NUBPL: variants seen among roughly 807,000 people sequenced by gnomAD.
NUBPL encodes the protein iron-sulfur cluster transfer protein NUBPL.
Under a neutral mutation model 45.7 loss-of-function variants are expected in NUBPL, and 31 were observed. The observed-to-expected ratio is 0.68, with a 90% CI of 0.51 to 0.92. The LOEUF is 0.92. Among genes scored for constraint, NUBPL ranks in the 40% least tolerant of loss-of-function variants. The pLI is 0.00. For synonymous variants in NUBPL, 144 were observed against 140.9 expected (o/e 1.02, Z -0.15); for missense variants, 401 against 398.7 (o/e 1.01, Z -0.05).
chr14:31,799,604 C>G (rs1335586431), intron 7 of NUBPL, among the ~76,000 whole-genome samples: 1 of 152,216 alleles, frequency 6.6e-6, no homozygotes, highest in African/African-American at 2.4e-5. Context: ...ACAAAACTTA[C>G]ATTTACACTA....
At position 31,783,837 on chromosome 14, in the gene NUBPL, G is replaced by T. The variant is rs776880945; in HGVS notation, c.514-3943G>T. ...CTGGCCAATAGCAGTTTTCTTTAAAGAAATAAGAAATTGAAAGTAACATGA... is the reference window on the plus strand; with the variant it reads ...CTGGCCAATAGCAGTTTTCTTTAAATAAATAAGAAATTGAAAGTAACATGA... On this transcript the variant is annotated intron_variant, in intron 6 of 10. Transcript: ENST00000281081. Among the ~76,000 whole-genome samples, 33 of 152,218 alleles carry T rather than the reference G, an allele frequency of 2.2e-4. 1 individual carries two copies. Among genetic ancestry groups the T allele is most frequent in the South Asian group, 4.1e-4 (2 of 4,824 alleles).
At chr14:31,579,459 G>T (rs1165484548) in intron 3 of NUBPL, among the ~76,000 whole-genome samples, 1 of 152,118 alleles carries the variant, frequency 6.6e-6, no homozygotes, top group African/African-American at 2.4e-5. Context: ...TTCTGATGTT[G>T]TCTGTTAGCC....
intron 4 of NUBPL, among the ~76,000 whole-genome samples, chr14:31,639,306 G>C (rs1053441804): frequency 1.3e-5 from 2 of 152,130 alleles, no homozygotes; most frequent in African/African-American, 2.4e-5. Flanking sequence ...TAACAGACAG[G>C]ACCCTCAGCT....
chr14:31,719,286 T>A (rs1181771492), intron 6 of NUBPL, among the ~76,000 whole-genome samples: 1 of 152,190 alleles, frequency 6.6e-6, no homozygotes, highest in African/African-American at 2.4e-5. Flanking sequence ...CTACTGAATA[T>A]GTATTGCTTT....
At chr14:31,807,079 C>T (rs2039703777) in intron 7 of NUBPL, among the ~76,000 whole-genome samples, 1 of 152,152 alleles carries the variant, frequency 6.6e-6, no homozygotes, top group Non-Finnish European at 1.5e-5. Flanking sequence ...CCACAATAAA[C>T]ATATGTGTGC....
intron 4 of NUBPL, among the ~76,000 whole-genome samples, chr14:31,599,852 C>A (rs1308599808): frequency 1.3e-5 from 2 of 151,764 alleles, no homozygotes; most frequent in African/African-American, 4.8e-5. Flanking sequence ...TATGGCAGAT[C>A]ATTGAGCATT....
chr14:31,851,342 C>G (rs1196806870), intron 10 of NUBPL, among the ~76,000 whole-genome samples: 1 of 151,400 alleles, frequency 6.6e-6, no homozygotes, highest in Non-Finnish European at 1.5e-5. Flanking sequence ...CTTCCTTTAA[C>G]CTTCTGTGAA....
chr14:31,844,103 C>T (rs1218062907), intron 8 of NUBPL: 1 of 152,164 alleles, frequency 6.6e-6, no homozygotes, highest in Non-Finnish European at 1.5e-5. Context: ...GATATTTATA[C>T]AGTCCATAGA....
rs554656330 is a variant in NUBPL, at chr14:31,757,236, C to T, written c.514-30544C>T. Among the ~76,000 whole-genome samples, 1,291 of 130,204 alleles carry T rather than the reference C, an allele frequency of 9.9e-3. 29 individuals are homozygous for T. The highest frequency in any genetic ancestry group is 0.032 in the African/African-American group (1,235 of 38,906). 85.4% of individuals were successfully genotyped at this position (130,204 alleles called of 152,430 possible). A position where few individuals can be genotyped will look rare whatever the true frequency, so the allele number is the denominator to read the frequency against. Reference sequence around the variant, plus strand: ...CTCATAAAATGAGTTAGGGAGGATTCCCTCTTTTTCTGTTGATTGGAATAG... The same window carrying T: ...CTCATAAAATGAGTTAGGGAGGATTTCCTCTTTTTCTGTTGATTGGAATAG... On this transcript the variant is annotated intron_variant, in intron 6 of 10. Transcript: ENST00000281081.
At chr14:31,795,455 G>A (rs2138846429) in intron 7 of NUBPL, among the ~76,000 whole-genome samples, 1 of 56,484 alleles carries the variant, frequency 1.8e-5, no homozygotes, top group Middle Eastern at 5.2e-3. Context: ...CACATCCCTT[G>A]TAAGTTGGAT....
intron 3 of NUBPL, among the ~76,000 whole-genome samples, chr14:31,586,442 T>C (rs918051774): frequency 6.6e-6 from 1 of 152,066 alleles, no homozygotes; most frequent in African/African-American, 2.4e-5. Flanking sequence ...GTAAGCAAAG[T>C]CATAGCAAGA....
chr14:31,824,432 C>A (rs2040065866), intron 7 of NUBPL, among the ~76,000 whole-genome samples: 2 of 152,082 alleles, frequency 1.3e-5, no homozygotes, highest in Admixed American at 1.3e-4. Flanking sequence ...GGTGTAAACA[C>A]AAATTTCTTA....
chr14:31,857,853 C>A (rs1355399732), intron 10 of NUBPL, among the ~76,000 whole-genome samples: 1 of 152,058 alleles, frequency 6.6e-6, no homozygotes, highest in Non-Finnish European at 1.5e-5. Flanking sequence ...TCCACATTTT[C>A]CTGTCTTCTT....
At chr14:31,589,649 T>G (rs2034090868) in intron 3 of NUBPL, among the ~76,000 whole-genome samples, 1 of 152,128 alleles carries the variant, frequency 6.6e-6, no homozygotes, top group South Asian at 2.1e-4. Flanking sequence ...TCCTTACCTG[T>G]TTTGCTCTTC....
At chr14:31,716,014 A>G (rs1439909393) in intron 6 of NUBPL, among the ~76,000 whole-genome samples, 3 of 151,036 alleles carry the variant, frequency 2.0e-5, no homozygotes, top group South Asian at 2.1e-4. Context: ...TCTTTTACTT[A>G]AAAAATTTTT....
chr14:31,614,066 C>T (rs910178898), intron 4 of NUBPL, among the ~76,000 whole-genome samples: 12 of 151,894 alleles, frequency 7.9e-5, no homozygotes, highest in Non-Finnish European at 1.3e-4. Context: ...GAAACGTTGA[C>T]TTCTTTATGG....
chr14:31,835,808 C>T (rs552041867), intron 8 of NUBPL, among the ~76,000 whole-genome samples: 28 of 152,122 alleles, frequency 1.8e-4, no homozygotes, highest in Non-Finnish European at 3.5e-4. Context: ...AAGGAGTATA[C>T]CAAAAACTGG....
chr14:31,585,564 G>A (rs2033974493), intron 3 of NUBPL, among the ~76,000 whole-genome samples: 1 of 152,106 alleles, frequency 6.6e-6, no homozygotes, highest in African/African-American at 2.4e-5. Context: ...TATATACCTA[G>A]CAATGGAATT....
intron 6 of NUBPL, among the ~76,000 whole-genome samples, chr14:31,751,480 C>T (rs932130135): frequency 6.6e-6 from 1 of 152,260 alleles, no homozygotes; most frequent in African/African-American, 2.4e-5. Context: ...CCTGGCAGGG[C>T]ACCCATTAAA....
Sources: gnomAD v4.1 joint callset for allele counts (sites outside exome capture counted in the v4.1 genomes callset) on GRCh38, gnomAD v4.1.1 for gene constraint, MANE v1.5 for transcripts, NCBI Gene and HGNC (gene_info 2026-07-23, HGNC 2026-07-21) for gene names.